PTPRT: variants seen among roughly 807,000 people sequenced by gnomAD.
PTPRT encodes receptor-type tyrosine-protein phosphatase T.
PTPRT carries 56 observed loss-of-function variants against 176.8 expected under a neutral mutation model. The ratio of observed to expected loss-of-function variants is 0.32; its 90% CI spans 0.26 to 0.40. The LOEUF is 0.40. Ranked by LOEUF, PTPRT falls within the 10% of genes least tolerant of loss-of-function variation. The pLI is 1.00. For missense variants in PTPRT, 1,540 were observed against 1,908.2 expected (o/e 0.81, Z 3.60); for synonymous variants, 783 against 739.0 (o/e 1.06, Z -0.96).
intron 1 of PTPRT, among the ~76,000 whole-genome samples, chr20:42,927,594 AGGAAAG>A (rs933235161): frequency 1.3e-5 from 2 of 152,054 alleles, no homozygotes; most frequent in African/African-American, 2.4e-5. Context: ...AAGAAAAGAA[AGGAAAG>A]GGAAAGGGAA....
chr20:42,577,697 C>A (rs547025695), intron 7 of PTPRT, among the ~76,000 whole-genome samples: 1 of 152,036 alleles, frequency 6.6e-6, no homozygotes, highest in Non-Finnish European at 1.5e-5. Context: ...CCCAGACTAC[C>A]GGCCAGGGAG....
At chr20:42,268,587 C>T (rs1251429758) in intron 13 of PTPRT, among the ~76,000 whole-genome samples, 1 of 152,200 alleles carries the variant, frequency 6.6e-6, no homozygotes, top group Non-Finnish European at 1.5e-5. Context: ...TCAGTAAAGA[C>T]CTACTATGTG....
intron 1 of PTPRT, among the ~76,000 whole-genome samples, chr20:42,980,368 C>T (rs1404730240): frequency 1.3e-5 from 2 of 152,224 alleles, no homozygotes; most frequent in Non-Finnish European, 2.9e-5. Flanking sequence ...CAGTTCCCAC[C>T]TGTGCAACGG....
intron 11 of PTPRT, among the ~76,000 whole-genome samples, chr20:42,319,881 G>A (rs2057775027): frequency 6.6e-6 from 1 of 152,176 alleles, no homozygotes; most frequent in African/African-American, 2.4e-5. Context: ...CTCAAAAACA[G>A]TGGTTGCAAT....
intron 13 of PTPRT, among the ~76,000 whole-genome samples, chr20:42,255,440 G>A (rs1427270137): frequency 6.6e-6 from 1 of 152,130 alleles, no homozygotes; most frequent in Non-Finnish European, 1.5e-5. Context: ...TAGCACTAGG[G>A]TTTTTTGTGT....
chr20:42,354,488 G>A (rs2058331332), intron 9 of PTPRT, among the ~76,000 whole-genome samples: 1 of 152,106 alleles, frequency 6.6e-6, no homozygotes, highest in African/African-American at 2.4e-5. Flanking sequence ...CACATTGCCT[G>A]GCCTGTTAAC....
chr20:42,654,785 G>A (rs772972111), intron 7 of PTPRT, among the ~76,000 whole-genome samples: 5 of 152,164 alleles, frequency 3.3e-5, no homozygotes, highest in African/African-American at 7.2e-5. Context: ...GGTTCACACA[G>A]CTGGTAAGTA....
At chr20:43,018,913 G>A (rs1985505336) in intron 1 of PTPRT, among the ~76,000 whole-genome samples, 1 of 152,108 alleles carries the variant, frequency 6.6e-6, no homozygotes, top group South Asian at 2.1e-4. Flanking sequence ...CCTCTATTGG[G>A]AAATGTGACA....
At chr20:42,561,847 T>C (rs540930098) in intron 7 of PTPRT, among the ~76,000 whole-genome samples, 66 of 152,346 alleles carry the variant, frequency 4.3e-4, no homozygotes, top group South Asian at 6.2e-4. Context: ...TAGATTTCTG[T>C]TGGGACTGCT....
rs142613313 is a variant in PTPRT, at chr20:42,424,809, C to T, written c.1560+23411G>A. Among the ~76,000 whole-genome samples the T allele has an allele frequency of 9.2e-4, 137 of 149,118 alleles. No homozygotes were observed. The South Asian group carries it at 0.013, about 14-fold the overall frequency. On this transcript the variant is annotated intron_variant, in intron 9 of 30. Coordinates refer to ENST00000373187, the MANE Select transcript of PTPRT (RefSeq NM_007050.6). ...AACATCTTTCTTCCCAAGACAAGAACGCAAGAGGGAATCTAGGATGCCTTT... is the reference window on the plus strand; with the variant it reads ...AACATCTTTCTTCCCAAGACAAGAATGCAAGAGGGAATCTAGGATGCCTTT...
intron 1 of PTPRT, among the ~76,000 whole-genome samples, chr20:43,118,614 A>C (rs2013144526): frequency 6.6e-6 from 1 of 151,994 alleles, no homozygotes; most frequent in South Asian, 2.1e-4. Flanking sequence ...TAATTTTTGT[A>C]TTTTTAGTAG....
At chr20:42,160,565 A>G (rs983377940) in intron 17 of PTPRT, among the ~76,000 whole-genome samples, 1 of 152,094 alleles carries the variant, frequency 6.6e-6, no homozygotes, top group Admixed American at 6.6e-5. Flanking sequence ...AGTAAAGAAG[A>G]CTTTGAGGAG....
At chr20:42,380,932 G>A (rs1008256957) in intron 9 of PTPRT, among the ~76,000 whole-genome samples, 7 of 152,146 alleles carry the variant, frequency 4.6e-5, no homozygotes, top group Non-Finnish European at 8.8e-5. Context: ...CGGCTTCTGG[G>A]GAGGCCTCAG....
At chr20:42,962,980 C>T (rs920781154) in intron 1 of PTPRT, among the ~76,000 whole-genome samples, 6 of 152,094 alleles carry the variant, frequency 3.9e-5, no homozygotes, top group Admixed American at 1.3e-4. Context: ...GGGTGGATCA[C>T]GAGGTCAGAA....
intron 1 of PTPRT, among the ~76,000 whole-genome samples, chr20:42,964,151 G>C (rs1156963358): frequency 2.0e-5 from 3 of 152,102 alleles, no homozygotes; most frequent in Admixed American, 1.3e-4. Context: ...ATAAAATTCA[G>C]ACACAATATA....
At chr20:42,903,119 A>G (rs527652) in intron 1 of PTPRT, among the ~76,000 whole-genome samples, 9,230 of 152,288 alleles carry the variant, frequency 0.061, 809 homozygotes, top group African/African-American at 0.19. Flanking sequence ...CATGTGCCTA[A>G]GGTGGGTATG....
chr20:42,107,490 A>ATACT (rs1233566164), intron 23 of PTPRT, among the ~76,000 whole-genome samples: 1 of 152,258 alleles, frequency 6.6e-6, no homozygotes, highest in East Asian at 1.9e-4. Flanking sequence ...TTCTTGATAC[A>ATACT]TACTTACTTG....
chr20:42,869,773 C>G (rs2078813175), intron 2 of PTPRT, among the ~76,000 whole-genome samples: 1 of 152,196 alleles, frequency 6.6e-6, no homozygotes, highest in Non-Finnish European at 1.5e-5. Flanking sequence ...GAGGAGAACG[C>G]TGTGGCTTAA....
chr20:42,937,334 G>A (rs1394956754), intron 1 of PTPRT, among the ~76,000 whole-genome samples: 2 of 152,142 alleles, frequency 1.3e-5, no homozygotes, highest in African/African-American at 4.8e-5. Flanking sequence ...GCAGTAGGCT[G>A]TGGTCATCTT....
Sources: gnomAD v4.1 joint callset for allele counts (sites outside exome capture counted in the v4.1 genomes callset) on GRCh38, gnomAD v4.1.1 for gene constraint, MANE v1.5 for transcripts, NCBI Gene and HGNC (gene_info 2026-07-23, HGNC 2026-07-21) for gene names.